The following NTM variants were observed in gnomAD, a reference collection of about 807,000 sequenced individuals.
The protein encoded by NTM is neurotrimin, also known as IgLON family member 2.
NTM carries 13 observed loss-of-function variants against 42.1 expected under a neutral mutation model. The observed-to-expected ratio is 0.31, with a 90% CI of 0.20 to 0.49. NTM has a LOEUF of 0.49. Among genes scored for constraint, NTM ranks in the 20% least tolerant of loss-of-function variants. NTM has a pLI of 0.99. For synonymous variants in NTM, 187 were observed against 179.2 expected (o/e 1.04, Z -0.35); for missense variants, 373 against 452.8 (o/e 0.82, Z 1.60).
intron 1 of NTM, chr11:131,911,194 T>C: frequency 7.3e-7 from 1 of 1,363,768 alleles, no homozygotes; most frequent in Non-Finnish European, 9.5e-7. Context: ...GCCGCGCGCT[T>C]CCCCCTCCTC....
chr11:131,741,884 C>T (rs186612603), intron 1 of NTM, among the ~76,000 whole-genome samples: 2 of 152,286 alleles, frequency 1.3e-5, no homozygotes, highest in East Asian at 1.9e-4. Flanking sequence ...CCATAGAATA[C>T]TATGTAGCCA....
At chr11:131,805,455 C>T (rs1354765784) in intron 1 of NTM, among the ~76,000 whole-genome samples, 1 of 152,046 alleles carries the variant, frequency 6.6e-6, no homozygotes, top group Non-Finnish European at 1.5e-5. Context: ...TGTGAACTCC[C>T]AAACATGAAA....
intron 3 of NTM, among the ~76,000 whole-genome samples, chr11:132,174,931 C>T (rs986402897): frequency 2.6e-5 from 4 of 152,110 alleles, no homozygotes; most frequent in Admixed American, 2.6e-4. Context: ...ATGCTCTTCT[C>T]TTCTGGACGA....
intron 1 of NTM, among the ~76,000 whole-genome samples, chr11:131,860,817 C>G (rs1039337992): frequency 6.6e-6 from 1 of 152,174 alleles, no homozygotes; most frequent in African/African-American, 2.4e-5. Context: ...CTGATTTGCA[C>G]AACCTTCATG....
intron 1 of NTM, among the ~76,000 whole-genome samples, chr11:131,492,698 C>A (rs1325833069): frequency 6.6e-6 from 1 of 152,114 alleles, no homozygotes; most frequent in Non-Finnish European, 1.5e-5. Flanking sequence ...TTAAATAGAT[C>A]CATGTGTCTG....
chr11:131,844,499 A>G (rs1306385328), intron 1 of NTM, among the ~76,000 whole-genome samples: 2 of 152,220 alleles, frequency 1.3e-5, no homozygotes, highest in East Asian at 1.9e-4. Flanking sequence ...GTACCACACA[A>G]CATTCTCTTG....
intron 1 of NTM, chr11:131,795,682 G>A: frequency 1.0e-6 from 1 of 985,438 alleles, no homozygotes; most frequent in Non-Finnish European, 1.2e-6. Context: ...AGGGCGAACA[G>A]CAGATATTTA....
At chr11:132,161,799 A>G (rs1050466457) in intron 3 of NTM, among the ~76,000 whole-genome samples, 4 of 152,028 alleles carry the variant, frequency 2.6e-5, no homozygotes, top group African/African-American at 7.2e-5. Flanking sequence ...CTGCTTCTCC[A>G]CGGAAGGTCC....
intron 1 of NTM, among the ~76,000 whole-genome samples, chr11:131,784,125 AG>A (rs2136035475): frequency 6.6e-6 from 1 of 152,320 alleles, no homozygotes; most frequent in East Asian, 1.9e-4. Flanking sequence ...AAAACTTAAA[AG>A]ACTGAAAAAG....
chr11:131,858,002 CCT>C (rs2046270296), intron 1 of NTM, among the ~76,000 whole-genome samples: 1 of 151,792 alleles, frequency 6.6e-6, no homozygotes, highest in Admixed American at 6.6e-5. Context: ...CCTTCATACC[CCT>C]CTCTCTGCCT....
intron 4 of NTM, among the ~76,000 whole-genome samples, chr11:132,265,921 A>G (rs1342447265): frequency 6.6e-6 from 1 of 152,184 alleles, no homozygotes; most frequent in African/African-American, 2.4e-5. Flanking sequence ...CACTGTTGGG[A>G]TTTCCCACCT....
intron 3 of NTM, among the ~76,000 whole-genome samples, chr11:132,157,458 C>A (rs1038213278): frequency 1.3e-5 from 2 of 152,124 alleles, no homozygotes; most frequent in Non-Finnish European, 2.9e-5. Flanking sequence ...TAAGATGATA[C>A]TTTTTGATGT....
chr11:132,063,844 G>C (rs1337314082), intron 2 of NTM, among the ~76,000 whole-genome samples: 1 of 152,194 alleles, frequency 6.6e-6, no homozygotes, highest in Non-Finnish European at 1.5e-5. Flanking sequence ...GGCAGACATA[G>C]CACTTGTGAT....
At chr11:131,428,028 G>T (rs1948317284) in intron 1 of NTM, among the ~76,000 whole-genome samples, 1 of 152,176 alleles carries the variant, frequency 6.6e-6, no homozygotes, top group Non-Finnish European at 1.5e-5. Flanking sequence ...AGATGACTCT[G>T]AAATTTACAT....
At chr11:131,869,335 C>T (rs533382483) in intron 1 of NTM, among the ~76,000 whole-genome samples, 3 of 152,280 alleles carry the variant, frequency 2.0e-5, no homozygotes, top group South Asian at 4.1e-4. Flanking sequence ...GAGTCCTTTC[C>T]GGCCCTGCCA....
intron 3 of NTM, among the ~76,000 whole-genome samples, chr11:132,198,443 C>T (rs1194448889): frequency 2.0e-5 from 3 of 152,148 alleles, no homozygotes; most frequent in Non-Finnish European, 4.4e-5. Flanking sequence ...TCAAGCCATC[C>T]TCCCACCTCA....
At chr11:131,468,287 C>T (rs1952087285) in intron 1 of NTM, among the ~76,000 whole-genome samples, 1 of 152,240 alleles carries the variant, frequency 6.6e-6, no homozygotes, top group Non-Finnish European at 1.5e-5. Context: ...TGATTGACAT[C>T]CTCAGGACGT....
At chr11:131,958,922 G>A (rs1446829504) in intron 2 of NTM, among the ~76,000 whole-genome samples, 2 of 152,212 alleles carry the variant, frequency 1.3e-5, no homozygotes, top group Admixed American at 6.5e-5. Flanking sequence ...GAATGGTCAA[G>A]GGTTTGGGAT....
chr11:131,972,155 A>G (rs931572199), intron 2 of NTM, among the ~76,000 whole-genome samples: 4 of 151,486 alleles, frequency 2.6e-5, no homozygotes, highest in Admixed American at 6.6e-5. Context: ...TGAGGTTGCA[A>G]TGAGCTGTGA....
Sources: gnomAD v4.1 joint callset for allele counts (sites outside exome capture counted in the v4.1 genomes callset) on GRCh38, gnomAD v4.1.1 for gene constraint, MANE v1.5 for transcripts, NCBI Gene and HGNC (gene_info 2026-07-23, HGNC 2026-07-21) for gene names.